PALM2AKAP2: variants seen among roughly 807,000 people sequenced by gnomAD.
PALM2AKAP2 encodes PALM2 and AKAP2 fusion.
In PALM2AKAP2, 37 loss-of-function variants were observed where a neutral mutation model predicts 71.5. That is an observed-to-expected ratio of 0.52 (90% CI 0.40 to 0.68). The LOEUF (loss-of-function observed/expected upper bound fraction) is 0.68, where lower values mean the gene tolerates loss of function less well. PALM2AKAP2 is among the 30% of genes least tolerant of loss of function. The pLI is 0.00. For synonymous variants in PALM2AKAP2, 468 were observed against 478.8 expected, an observed-to-expected ratio of 0.98 and a Z score of 0.29; for missense variants, 1,224 against 1,191.8, an observed-to-expected ratio of 1.03 and a Z score of -0.40.
intron 1 of PALM2AKAP2, among the ~76,000 whole-genome samples, chr9:109,788,467 A>G (rs1162880122): frequency 6.6e-6 from 1 of 152,228 alleles, no homozygotes; most frequent in African/African-American, 2.4e-5. Flanking sequence ...AGGGTTCCTT[A>G]AAACACAGAT....
intron 3 of PALM2AKAP2, among the ~76,000 whole-genome samples, chr9:109,881,084 G>T (rs995341894): frequency 6.6e-6 from 1 of 151,978 alleles, no homozygotes; most frequent in Non-Finnish European, 1.5e-5. Flanking sequence ...TCCCTTCTAC[G>T]TGTCCGTGTG....
In PALM2AKAP2 at chr9:109,969,076, A is replaced by G. The variant is rs1398724181; in HGVS notation, c.496+37048A>G. ...TCTGACAGTCTTTTCCTGCACCTCT[A>G]CAAATGTGCGTGCACACACACACAC... On this transcript the variant is annotated intron_variant, in intron 6 of 9. Transcript: ENST00000302798. Among the ~76,000 whole-genome samples, 3 of 119,198 alleles carry G rather than the reference A, an allele frequency of 2.5e-5. No individual in the cohort carries two copies. In the South Asian group the frequency reaches 8.9e-4, roughly 36 times the overall value. The allele number at this position is 119,198 out of a possible 152,430, so 78.2% of individuals were successfully genotyped here.
chr9:109,924,383 G>C (rs552907201), intron 4 of PALM2AKAP2, among the ~76,000 whole-genome samples: 2 of 152,174 alleles, frequency 1.3e-5, no homozygotes, highest in South Asian at 4.2e-4. Flanking sequence ...TGGATCACGA[G>C]GTCAGGAGAT....
At chr9:109,712,534 C>T (rs945622881) in intron 1 of PALM2AKAP2, among the ~76,000 whole-genome samples, 6 of 152,186 alleles carry the variant, frequency 3.9e-5, no homozygotes, top group Non-Finnish European at 8.8e-5. Context: ...TTGATGCCTT[C>T]TGTCTTTCAT....
chr9:109,681,765 A>G (rs1564111134), intron 1 of PALM2AKAP2, among the ~76,000 whole-genome samples: 1 of 152,168 alleles, frequency 6.6e-6, no homozygotes, highest in Non-Finnish European at 1.5e-5. Context: ...CCACATACCA[A>G]TTGTATATCT....
intron 6 of PALM2AKAP2, among the ~76,000 whole-genome samples, chr9:109,994,959 A>G (rs1007899253): frequency 6.6e-6 from 1 of 152,188 alleles, no homozygotes; most frequent in African/African-American, 2.4e-5. Flanking sequence ...TTCATTTGCC[A>G]TAACAAAATA....
intron 1 of PALM2AKAP2, among the ~76,000 whole-genome samples, chr9:109,851,963 A>C (rs1163940375): frequency 6.6e-6 from 1 of 152,204 alleles, no homozygotes; most frequent in East Asian, 1.9e-4. Context: ...ACTAGCCACG[A>C]GAAAGCAACA....
chr9:110,171,314 C>G (rs576699602), exon 4 of PALM2AKAP2: 1 of 152,152 alleles, frequency 6.6e-6, no homozygotes, highest in Non-Finnish European at 1.5e-5. Flanking sequence ...GGCCATGCTC[C>G]GTGTGTGGAT....
intron 3 of PALM2AKAP2, among the ~76,000 whole-genome samples, chr9:109,894,253 T>G (rs1171231409): frequency 6.6e-6 from 1 of 152,108 alleles, no homozygotes; most frequent in Non-Finnish European, 1.5e-5. Context: ...CAGGGAGAAC[T>G]GCTTGAACCC....
intron 1 of PALM2AKAP2, chr9:110,125,436 T>C (rs1835579103): frequency 4.3e-6 from 4 of 923,526 alleles, no homozygotes; most frequent in Admixed American, 6.2e-5. Flanking sequence ...TTTGTGTGAA[T>C]GGCCTTTTAG....
chr9:109,806,049 T>C (rs1827562965), intron 1 of PALM2AKAP2, among the ~76,000 whole-genome samples: 1 of 152,188 alleles, frequency 6.6e-6, no homozygotes. Context: ...CCATCCAAGG[T>C]TACATATCTG....
Position 110,050,667 on chromosome 9 carries a change from G to T in PALM2AKAP2, c.156+1812G>T, listed in dbSNP as rs549972199. 2.0e-5 allele frequency among the ~76,000 whole-genome samples: 3 copies of T among 150,950 alleles called. No individual in the cohort carries two copies. The East Asian group carries it at 5.8e-4, about 29-fold the overall frequency. Reference sequence around the variant, plus strand: ...TTTCTTTCGAAGTTTTGCTCTTGTTGCCCAGGCTGGAGTGCAATGGCATGA... The same window carrying T: ...TTTCTTTCGAAGTTTTGCTCTTGTTTCCCAGGCTGGAGTGCAATGGCATGA... On this transcript the variant is annotated intron_variant, in intron 1 of 3. Transcript: ENST00000374525.
At chr9:110,139,289 G>T (rs1447136888) in intron 2 of PALM2AKAP2, among the ~76,000 whole-genome samples, 1 of 152,172 alleles carries the variant, frequency 6.6e-6, no homozygotes, top group Non-Finnish European at 1.5e-5. Context: ...CTACCATATG[G>T]ATAACAGTGT....
intron 1 of PALM2AKAP2, among the ~76,000 whole-genome samples, chr9:110,112,259 G>T (rs1243764208): frequency 6.6e-6 from 1 of 151,680 alleles, no homozygotes; most frequent in Non-Finnish European, 1.5e-5. Context: ...CATGTGTTTT[G>T]GAAGAGCAAA....
chr9:110,086,165 G>T (rs1479417236), intron 1 of PALM2AKAP2, among the ~76,000 whole-genome samples: 1 of 151,686 alleles, frequency 6.6e-6, no homozygotes, highest in Non-Finnish European at 1.5e-5. Context: ...AGACTGAGAA[G>T]TGGGAGGGTG....
intron 6 of PALM2AKAP2, among the ~76,000 whole-genome samples, chr9:109,979,609 A>G (rs1175957058): frequency 6.6e-6 from 1 of 152,062 alleles, no homozygotes; most frequent in African/African-American, 2.4e-5. Context: ...TACTGTCTTT[A>G]TTTCCTCAAT....
intron 1 of PALM2AKAP2, among the ~76,000 whole-genome samples, chr9:109,792,409 G>C (rs1332198976): frequency 6.6e-6 from 1 of 152,206 alleles, no homozygotes; most frequent in East Asian, 1.9e-4. Context: ...TTATAGGCAT[G>C]TGCCATTGCT....
At chr9:110,148,553 T>C (rs1181744207) in intron 2 of PALM2AKAP2, 1 of 152,156 alleles carries the variant, frequency 6.6e-6, no homozygotes, top group Non-Finnish European at 1.5e-5. Flanking sequence ...GATGTTCCCT[T>C]GTACTGAGAG....
chr9:109,722,059 A>G (rs1312925891), intron 1 of PALM2AKAP2, among the ~76,000 whole-genome samples: 1 of 152,220 alleles, frequency 6.6e-6, no homozygotes, highest in Non-Finnish European at 1.5e-5. Context: ...CATACATGCA[A>G]AATAACCTAT....
Sources: allele counts gnomAD v4.1 joint callset (sites outside exome capture counted in the v4.1 genomes callset), GRCh38; gene constraint gnomAD v4.1.1; transcripts MANE v1.5; gene names NCBI Gene and HGNC (gene_info 2026-07-23, HGNC 2026-07-21).